Variants in ARHGEF12 observed in about 807,000 individuals in gnomAD.
ARHGEF12 encodes Rho guanine nucleotide exchange factor 12, also known as KMT2A/ARHGEF12 fusion protein.
In ARHGEF12, 66 loss-of-function variants were observed where a neutral mutation model predicts 211.2. That is an observed-to-expected ratio of 0.31 (90% CI 0.26 to 0.38). ARHGEF12 has a LOEUF of 0.38. Ranked by LOEUF, ARHGEF12 falls within the 10% of genes least tolerant of loss-of-function variation. The pLI is 1.00. For missense variants in ARHGEF12, 1,429 were observed against 1,869.5 expected, an observed-to-expected ratio of 0.76 and a Z score of 4.34; for synonymous variants, 592 against 638.4, an observed-to-expected ratio of 0.93 and a Z score of 1.09.
chr11:120,446,322 A>G (rs1055068131), intron 16 of ARHGEF12, 81 bp from the exon 17 acceptor site: 2 of 988,006 alleles, frequency 2.0e-6, no homozygotes, highest in Admixed American at 4.9e-5. Context: ...GTTAATTTGT[A>G]CGAAGTAGCA....
chr11:120,451,752 C>G (rs1218235177), intron 22 of ARHGEF12, 28 bp downstream of exon 22: 1 of 1,587,854 alleles, frequency 6.3e-7, no homozygotes, highest in Admixed American at 1.7e-5. Context: ...TTCAGCTTAA[C>G]TAAGCATCAA....
intron 10 of ARHGEF12, among the ~76,000 whole-genome samples, chr11:120,431,422 A>T (rs1945528971): frequency 6.6e-6 from 1 of 152,238 alleles, no homozygotes; most frequent in South Asian, 2.1e-4. Flanking sequence ...AAGAAACTAT[A>T]GGGTAATAAC....
chr11:120,428,065 C>T lies in ARHGEF12; in HGVS notation c.407-4C>T, dbSNP rs538602300. 53 of 1,557,662 alleles carry T rather than the reference C, an allele frequency of 3.4e-5. No homozygotes were observed. The African/African-American group carries it at 5.7e-4, about 17-fold the overall frequency. On this transcript the variant is annotated splice_region_variant and splice_polypyrimidine_tract_variant and intron_variant, in intron 7 of 40. Transcript: ENST00000397843. ...CTTCCCTTTTTCCGTCTCCCCACCC[C>T]AAGCTGGTTCCTATGTAGCTCTCAC...
At chr11:120,403,255 C>A (rs2135556154) in intron 1 of ARHGEF12, among the ~76,000 whole-genome samples, 1 of 152,256 alleles carries the variant, frequency 6.6e-6, no homozygotes, top group African/African-American at 2.4e-5. Context: ...ACCTGTAATC[C>A]CAGCACTTTG....
chr11:120,423,643 T>C (rs1282711650), intron 6 of ARHGEF12, among the ~76,000 whole-genome samples: 1 of 152,184 alleles, frequency 6.6e-6, no homozygotes, highest in East Asian at 1.9e-4. Context: ...GTATAATGTT[T>C]ATGTGTCTCT....
At chr11:120,384,733 T>C (rs1943977955) in intron 1 of ARHGEF12, among the ~76,000 whole-genome samples, 1 of 152,106 alleles carries the variant, frequency 6.6e-6, no homozygotes. Context: ...GAAATTTCAA[T>C]CCTCCCAGTC....
intron 5 of ARHGEF12, among the ~76,000 whole-genome samples, chr11:120,421,457 G>GA (rs1389623029): frequency 1.7e-5 from 2 of 114,960 alleles, no homozygotes; most frequent in Non-Finnish European, 1.7e-5. Flanking sequence ...TTTTTTTTTG[G>GA]AGATGGAGTC....
rs748505084 is a variant in ARHGEF12 at position 120,440,222 on chromosome 11, G to A, written c.1092+1G>A. 6.2e-7 allele frequency: 1 copy of A among 1,607,320 alleles called. No homozygotes were observed. The highest frequency in any genetic ancestry group is 1.3e-5 in the African/African-American group (1 of 74,612). ...TGATTTTGGTACTGAACATGAACAGGTGATGACTTTTTTCTTTCTAAAAAA... is the reference window on the plus strand; with the variant it reads ...TGATTTTGGTACTGAACATGAACAGATGATGACTTTTTTCTTTCTAAAAAA... On this transcript the variant is annotated splice_donor_variant, in intron 13 of 40. Coordinates refer to ENST00000397843, the MANE Select transcript of ARHGEF12 (RefSeq NM_015313.3). LOFTEE classifies it high-confidence loss of function.
Position 120,429,793 on chromosome 11 carries a change from C to A in ARHGEF12, c.745C>A (p.Leu249Met). The change falls in exon 10 of 41, where the codon CTG becomes ATG. Residue 249 changes from leucine to methionine, a missense_variant. This residue lies in a region of ARHGEF12 where 254 missense variants were observed against 286.4 expected (regional missense o/e 0.89). Transcript: ENST00000397843. ...IQEAKKHIPQ[L>M]QEQLSKATGS... Reference sequence around the variant, plus strand: ...AGAGGCCAAGAAACACATTCCTCAGCTGCAAGAGCAGTTATCCAAAGCCAC... The same window carrying A: ...AGAGGCCAAGAAACACATTCCTCAGATGCAAGAGCAGTTATCCAAAGCCAC... 6.2e-7 allele frequency: 1 copy of A among 1,613,872 alleles called. No individual in the cohort carries two copies. The highest frequency in any genetic ancestry group is 8.5e-7 in the Non-Finnish European group (1 of 1,179,836).
intron 1 of ARHGEF12, among the ~76,000 whole-genome samples, chr11:120,405,304 A>C (rs534950573): frequency 6.6e-6 from 1 of 152,324 alleles, no homozygotes; most frequent in African/African-American, 2.4e-5. Flanking sequence ...GACAGAAATC[A>C]AAATGTAGGA....
intron 1 of ARHGEF12, among the ~76,000 whole-genome samples, chr11:120,351,426 TATATATATATATATATATATATATATATA>T (rs1355857485): frequency 0.24 from 993 of 4,082 alleles, 41 homozygotes; most frequent in African/African-American, 0.3. Flanking sequence ...TATATATATA[TATATATATATATATATATATATATATATA>T]TTTTTTTTTT....
At chr11:120,374,769 A>G (rs558614450) in intron 1 of ARHGEF12, among the ~76,000 whole-genome samples, 5 of 152,342 alleles carry the variant, frequency 3.3e-5, no homozygotes, top group Admixed American at 1.3e-4. Flanking sequence ...TGAAAAACGT[A>G]TATGATGGTT....
chr11:120,366,475 T>C (rs1361581407), intron 1 of ARHGEF12, among the ~76,000 whole-genome samples: 1 of 152,174 alleles, frequency 6.6e-6, no homozygotes, highest in Non-Finnish European at 1.5e-5. Context: ...ATTTTTTTGA[T>C]CTTTTCATGA....
At chr11:120,399,681 A>T (rs570185877) in intron 1 of ARHGEF12, among the ~76,000 whole-genome samples, 1 of 152,238 alleles carries the variant, frequency 6.6e-6, no homozygotes, top group African/African-American at 2.4e-5. Context: ...TTTTTTTGGC[A>T]CACAGTAAGA....
At chr11:120,349,431 C>T (rs1206188682) in intron 1 of ARHGEF12, among the ~76,000 whole-genome samples, 1 of 151,696 alleles carries the variant, frequency 6.6e-6, no homozygotes, top group Non-Finnish European at 1.5e-5. Context: ...ATATCTCAGC[C>T]CTTAATTATG....
intron 1 of ARHGEF12, among the ~76,000 whole-genome samples, chr11:120,369,319 G>A (rs1943523848): frequency 6.6e-6 from 1 of 151,934 alleles, no homozygotes; most frequent in Non-Finnish European, 1.5e-5. Flanking sequence ...AGTAGAGACG[G>A]GGTTTCACCA....
rs144902229 is a variant in ARHGEF12 at position 120,369,649 on chromosome 11, T to C, written c.32+32374T>C. Among the ~76,000 whole-genome samples the C allele has an allele frequency of 5.9e-5, 9 of 152,358 alleles. 1 individual carries two copies. The East Asian group carries it at 1.7e-3, about 29-fold the overall frequency. On this transcript the variant is annotated intron_variant, in intron 1 of 40. Coordinates refer to ENST00000397843, the MANE Select transcript of ARHGEF12 (RefSeq NM_015313.3). ...GGGGTATACAAGAATTTTTATTCTT[T>C]AAGCTAATTAATTCTAAATTTAAAA...
intron 1 of ARHGEF12, among the ~76,000 whole-genome samples, chr11:120,404,678 T>G (rs1291262010): frequency 1.3e-5 from 2 of 152,178 alleles, no homozygotes; most frequent in East Asian, 3.9e-4. Context: ...GATGTTGCAG[T>G]CCCTGACGCA....
Position 120,485,328 on chromosome 11 carries a change from T to C in ARHGEF12, c.*251T>C, listed in dbSNP as rs1291724086. On this transcript the variant is annotated 3_prime_UTR_variant, in exon 41 of 41. Transcript: ENST00000397843. ...TCTCCTCACTATCGGAAATTCATTT[T>C]GATTCAGAATAAAAACCAAATGTAT... The C allele has an allele frequency of 1.2e-5, 5 of 422,248 alleles. No homozygotes were observed. The highest frequency in any genetic ancestry group is 2.1e-5 in the Non-Finnish European group (5 of 234,872). 26.2% of individuals were successfully genotyped at this position (422,248 alleles called of 1,614,324 possible). A position where few individuals can be genotyped will look rare whatever the true frequency, so the allele number is the denominator to read the frequency against.
Sources: gnomAD v4.1 joint callset for allele counts (sites outside exome capture counted in the v4.1 genomes callset) on GRCh38, gnomAD v4.1.1 for gene constraint, gnomAD v4.1.1 regional missense constraint, MANE v1.5 for transcripts, NCBI Gene and HGNC (gene_info 2026-07-23, HGNC 2026-07-21) for gene names.